SUV39H2: variants seen among roughly 807,000 people sequenced by gnomAD.
The protein encoded by SUV39H2 is histone-lysine N-methyltransferase SUV39H2.
In SUV39H2, 10 loss-of-function variants were observed where a neutral mutation model predicts 47.5. The observed-to-expected ratio is 0.21, with a 90% CI of 0.13 to 0.36. SUV39H2 has a LOEUF of 0.36. SUV39H2 is among the 10% of genes least tolerant of loss of function. The pLI is 1.00. For missense variants in SUV39H2, 266 were observed against 487.4 expected, an observed-to-expected ratio of 0.55 and a Z score of 4.28; for synonymous variants, 159 against 166.8, an observed-to-expected ratio of 0.95 and a Z score of 0.36.
intron 2 of SUV39H2, among the ~76,000 whole-genome samples, chr10:14,885,190 G>C (rs1416856825): frequency 1.3e-5 from 2 of 152,052 alleles, no homozygotes; most frequent in African/African-American, 4.8e-5. Flanking sequence ...TCTTTCTGAG[G>C]CCTTGAGCCC....
intron 2 of SUV39H2, among the ~76,000 whole-genome samples, chr10:14,895,394 T>A (rs1833538823): frequency 6.6e-6 from 1 of 152,176 alleles, no homozygotes; most frequent in African/African-American, 2.4e-5. Flanking sequence ...CAGGCTGGTC[T>A]TGAACTCCTG....
At chr10:14,895,334 AC>A (rs1267917852) in intron 2 of SUV39H2, among the ~76,000 whole-genome samples, 1 of 151,662 alleles carries the variant, frequency 6.6e-6, no homozygotes, top group Admixed American at 6.6e-5. Flanking sequence ...CTGCCACCAC[AC>A]CCGGCTAATT....
At chr10:14,893,293 G>A (rs537037303) in intron 2 of SUV39H2, among the ~76,000 whole-genome samples, 17 of 151,858 alleles carry the variant, frequency 1.1e-4, no homozygotes, top group Non-Finnish European at 1.8e-4. Flanking sequence ...GTGAGCCACC[G>A]CGCCCGGCCT....
chr10:14,881,116 T>C (rs968992562), intron 1 of SUV39H2, among the ~76,000 whole-genome samples: 10 of 152,228 alleles, frequency 6.6e-5, no homozygotes, highest in Non-Finnish European at 1.0e-4. Context: ...GTCCTAGAGA[T>C]TTACATTTTA....
In SUV39H2 at chr10:14,897,055, G is replaced by A. The variant is rs1833651082; in HGVS notation, c.387G>A (p.Lys129=). Residue 129 remains lysine (K), a synonymous_variant, in exon 3 of 6, where the codon AAG becomes AAA. Transcript: ENST00000354919. ...LKPAIAEYIV[K]KAKQRIALQR... is the part of the protein sequence containing the mutation. ...CTGCCATTGCTGAGTACATTGTGAA[G>A]AAGGCTAAACAAAGGATAGCTCTGC... The A allele has an allele frequency of 5.6e-6, 9 of 1,614,034 alleles. No homozygotes were observed. Among genetic ancestry groups the A allele is most frequent in the Non-Finnish European group, 7.6e-6 (9 of 1,180,014 alleles).
chr10:14,881,458 A>C, intron 1 of SUV39H2, 42 bp from the exon 2 acceptor site: 1 of 1,373,944 alleles, frequency 7.3e-7, no homozygotes, highest in Non-Finnish European at 9.5e-7. Flanking sequence ...TTTTAATTGA[A>C]TAGCTATTTC....
rs1240809718 is a variant in SUV39H2 at position 14,901,168 on chromosome 10, T to C, written c.1032T>C (p.Ile344=). Residue 344 remains isoleucine, a synonymous_variant, in exon 5 of 6, where the codon ATT becomes ATC. Coordinates refer to ENST00000354919, the MANE Select transcript of SUV39H2 (RefSeq NM_001193424.2). ...ATCTTCAGGTGTTCAATGTTTTCAT[T>C]GATAACCTCGATACTCGTCTTCCCC... ...DPNLQVFNVF[I]DNLDTRLPRI... The C allele has an allele frequency of 6.2e-7, 1 of 1,613,926 alleles. No homozygotes were observed. Among genetic ancestry groups the C allele is most frequent in the Non-Finnish European group, 8.5e-7 (1 of 1,179,942 alleles).
chr10:14,879,603 T>C (rs909397915), intron 1 of SUV39H2, among the ~76,000 whole-genome samples: 1 of 151,910 alleles, frequency 6.6e-6, no homozygotes, highest in Non-Finnish European at 1.5e-5. Context: ...ACCGGGGAAC[T>C]GGGCACCGAG....
At chr10:14,882,061 C>T (rs1377826341) in intron 2 of SUV39H2, among the ~76,000 whole-genome samples, 1 of 152,208 alleles carries the variant, frequency 6.6e-6, no homozygotes, top group Non-Finnish European at 1.5e-5. Context: ...TTGTCACACT[C>T]CAGATTTAGT....
At chr10:14,901,750 G>C (rs890234718) in intron 5 of SUV39H2, among the ~76,000 whole-genome samples, 2 of 151,910 alleles carry the variant, frequency 1.3e-5, no homozygotes, top group South Asian at 4.2e-4. Flanking sequence ...AGGATGGCTT[G>C]AGACAGGGAG....
chr10:14,895,207 C>A (rs1336345712), intron 2 of SUV39H2, among the ~76,000 whole-genome samples: 3 of 147,698 alleles, frequency 2.0e-5, no homozygotes, highest in Admixed American at 6.7e-5. Context: ...CATGGAGTCT[C>A]ACTCTTTTGC....
In SUV39H2 at chr10:14,890,529, A is replaced by G. The variant is rs188312804; in HGVS notation, c.178-6317A>G. Among the ~76,000 whole-genome samples the G allele has an allele frequency of 2.0e-5, 3 of 152,260 alleles. No homozygotes were observed. In the East Asian group the frequency reaches 5.8e-4, roughly 29 times the overall value. On this transcript the variant is annotated intron_variant, in intron 2 of 5. Transcript: ENST00000354919. ...CATCTCCGCCTCTTGAGTAGCTAAGACCACAGGCATGTGCCACCACATGCT... is the reference window on the plus strand; with the variant it reads ...CATCTCCGCCTCTTGAGTAGCTAAGGCCACAGGCATGTGCCACCACATGCT...
chr10:14,882,194 A>G (rs1485661450), intron 2 of SUV39H2, among the ~76,000 whole-genome samples: 1 of 152,188 alleles, frequency 6.6e-6, no homozygotes, highest in Non-Finnish European at 1.5e-5. Flanking sequence ...CTCTTAAAAA[A>G]CGGCAGAGTT....
At position 14,902,583 on chromosome 10, in the gene SUV39H2, T is replaced by C; in HGVS notation, c.*71T>C. 2.1e-6 allele frequency: 2 copies of C among 934,958 alleles called. No homozygotes were observed. The highest frequency in any genetic ancestry group is 1.6e-6 in the Non-Finnish European group (1 of 644,458). 57.9% of individuals were successfully genotyped at this position (934,958 alleles called of 1,614,324 possible). A position where few individuals can be genotyped will look rare whatever the true frequency, so the allele number is the denominator to read the frequency against. On this transcript the variant is annotated 3_prime_UTR_variant, in exon 6 of 6. Coordinates refer to ENST00000354919, the MANE Select transcript of SUV39H2 (RefSeq NM_001193424.2). ...ATGTTAACATTTTTAAAAATACATA[T>C]TTGGGACTCTTATTATCAAGGTTCT...
At chr10:14,884,065 A>G (rs1833130102) in intron 2 of SUV39H2, among the ~76,000 whole-genome samples, 1 of 152,164 alleles carries the variant, frequency 6.6e-6, no homozygotes, top group South Asian at 2.1e-4. Context: ...ATCACATTTA[A>G]CTTATTCATC....
chr10:14,889,364 C>T (rs1833314940), intron 2 of SUV39H2, among the ~76,000 whole-genome samples: 1 of 152,072 alleles, frequency 6.6e-6, no homozygotes, highest in African/African-American at 2.4e-5. Flanking sequence ...TAGTTTCAGT[C>T]TCTGTCTTAG....
In SUV39H2 at chr10:14,903,814, C is replaced by T. The variant is rs1834177249; in HGVS notation, c.*1302C>T. 6.6e-6 allele frequency: 1 copy of T among 152,152 alleles called. No homozygotes were observed. The highest frequency in any genetic ancestry group is 1.5e-5 in the Non-Finnish European group (1 of 68,032). 9.4% of individuals were successfully genotyped at this position (152,152 alleles called of 1,614,324 possible). A position where few individuals can be genotyped will look rare whatever the true frequency, so the allele number is the denominator to read the frequency against. On this transcript the variant is annotated 3_prime_UTR_variant, in exon 6 of 6. Transcript: ENST00000354919. ...TAATTTTTACCTAAGCTCATTGCTCCAGGCTTTGATTACCTAAAATAAGCT... is the reference window on the plus strand; with the variant it reads ...TAATTTTTACCTAAGCTCATTGCTCTAGGCTTTGATTACCTAAAATAAGCT...
intron 2 of SUV39H2, among the ~76,000 whole-genome samples, chr10:14,892,006 A>G (rs1474979590): frequency 6.6e-6 from 1 of 152,240 alleles, no homozygotes; most frequent in Non-Finnish European, 1.5e-5. Context: ...CATCGCTTTC[A>G]TCACATTCTC....
chr10:14,900,583 T>A (rs1410475827), intron 4 of SUV39H2, among the ~76,000 whole-genome samples: 1 of 152,230 alleles, frequency 6.6e-6, no homozygotes, highest in East Asian at 1.9e-4. Context: ...CAAACAGTTT[T>A]GATTCCTTAG....
Sources: allele counts gnomAD v4.1 joint callset (sites outside exome capture counted in the v4.1 genomes callset), GRCh38; gene constraint gnomAD v4.1.1; transcripts MANE v1.5; gene names NCBI Gene and HGNC (gene_info 2026-07-23, HGNC 2026-07-21).